Variants in ADHFE1 observed in about 807,000 individuals in gnomAD.
ADHFE1 encodes the protein alcohol dehydrogenase iron containing 1.
Under a neutral mutation model 54.8 loss-of-function variants are expected in ADHFE1, and 37 were observed. The ratio of observed to expected loss-of-function variants is 0.68; its 90% CI spans 0.52 to 0.89. ADHFE1 has a LOEUF of 0.89. Ranked by LOEUF, ADHFE1 falls within the 40% of genes least tolerant of loss-of-function variation. The pLI, the probability that ADHFE1 is intolerant of heterozygous loss-of-function variation, is 0.00. For missense variants in ADHFE1, 601 were observed against 591.2 expected (o/e 1.02, Z -0.17); for synonymous variants, 203 against 229.3 (o/e 0.89, Z 1.04).
intron 5 of ADHFE1, 65 bp downstream of exon 5, chr8:66,444,813 G>T (rs1805940826): frequency 1.3e-6 from 2 of 1,593,270 alleles, no homozygotes; most frequent in Non-Finnish European, 8.6e-7. Context: ...ATTAAAACTT[G>T]CCCCCAACCA....
At chr8:66,447,420 A>G in intron 7 of ADHFE1, 79 bp downstream of exon 7, 1 of 1,237,470 alleles carries the variant, frequency 8.1e-7, no homozygotes, top group Non-Finnish European at 1.2e-6. Flanking sequence ...TTAAAAATCA[A>G]GCAGTTATGA....
At chr8:66,458,301 G>T (rs1286507758) in intron 12 of ADHFE1, among the ~76,000 whole-genome samples, 1 of 152,144 alleles carries the variant, frequency 6.6e-6, no homozygotes, top group Non-Finnish European at 1.5e-5. Flanking sequence ...AGGAAGGACC[G>T]CAGACATCCT....
chr8:66,456,781 C>A, intron 10 of ADHFE1, 36 bp from the exon 11 acceptor site: 1 of 1,504,716 alleles, frequency 6.6e-7, no homozygotes, highest in Non-Finnish European at 9.2e-7. Context: ...ATTTTGATAA[C>A]TGTGTATGAA....
At chr8:66,440,515 A>G (rs942684121) in intron 2 of ADHFE1, among the ~76,000 whole-genome samples, 9 of 152,248 alleles carry the variant, frequency 5.9e-5, no homozygotes, top group Non-Finnish European at 1.3e-4. Flanking sequence ...AAACAGAATT[A>G]ATCAAGATGA....
rs1265928354 is a variant in ADHFE1 at position 66,468,267 on chromosome 8, A to G, written c.1321-2A>G. The G allele has an allele frequency of 2.7e-5, 44 of 1,609,256 alleles. No homozygotes were observed. The highest frequency in any genetic ancestry group is 3.6e-5 in the Non-Finnish European group (42 of 1,178,204). Reference sequence around the variant, plus strand: ...GGTAACTTCTTTCATTTACTGTTTCAGGAAAGGGTCACCAAGCTTGCACCC... The same window carrying G: ...GGTAACTTCTTTCATTTACTGTTTCGGGAAAGGGTCACCAAGCTTGCACCC... On this transcript the variant is annotated splice_acceptor_variant, in intron 13 of 13. Coordinates refer to ENST00000396623, the MANE Select transcript of ADHFE1 (RefSeq NM_144650.3). LOFTEE classifies it high-confidence loss of function.
At chr8:66,467,207 G>A (rs1257790444) in intron 13 of ADHFE1, among the ~76,000 whole-genome samples, 1 of 152,138 alleles carries the variant, frequency 6.6e-6, no homozygotes, top group East Asian at 1.9e-4. Context: ...CTTCATTTTG[G>A]AAGTAGGACT....
At position 66,452,340 on chromosome 8, in the gene ADHFE1, A is replaced by C. The variant is rs142643729; in HGVS notation, c.887+235A>C. 3.9e-3 allele frequency among the ~76,000 whole-genome samples: 588 copies of C among 152,288 alleles called. 7 individuals are homozygous for C. Among genetic ancestry groups the C allele is most frequent in the African/African-American group, 0.014 (571 of 41,552 alleles). On this transcript the variant is annotated intron_variant, in intron 9 of 13. Transcript: ENST00000396623. ...AAAGGCAGCCAGGGGACAAACTAGG[A>C]GCCAAGCTAGGATGAGGGGTGGTGT...
In ADHFE1 at chr8:66,453,622, G is replaced by A. The variant is rs76902042; in HGVS notation, c.888-437G>A. The stretch of plus-strand genomic sequence containing the variant: ...CACAGATATAAAGAGGCCCCCAGTG[G>A]GTCCAGTGGGAGGCAGTGTCTCAGA... On this transcript the variant is annotated intron_variant, in intron 9 of 13. Transcript: ENST00000396623. 3,423 of 1,154,272 alleles carry A rather than the reference G, an allele frequency of 3.0e-3. 84 individuals are homozygous for A. The African/African-American group carries it at 0.048, about 16-fold the overall frequency. The allele number at this position is 1,154,272 out of a possible 1,614,324, so 71.5% of individuals were successfully genotyped here. A position where few individuals can be genotyped will look rare whatever the true frequency, so the allele number is the denominator to read the frequency against.
At chr8:66,444,943 A>C (rs545564399) in intron 5 of ADHFE1, among the ~76,000 whole-genome samples, 195 bp downstream of exon 5, 11 of 152,130 alleles carry the variant, frequency 7.2e-5, no homozygotes, top group Non-Finnish European at 1.3e-4. Flanking sequence ...TCTACTAAAA[A>C]TACAAAAATT....
rs536436477 is a variant in ADHFE1, at chr8:66,438,742, G to A, written c.60-1420G>A. On this transcript the variant is annotated intron_variant, in intron 1 of 13. Coordinates refer to ENST00000396623, the MANE Select transcript of ADHFE1 (RefSeq NM_144650.3). Reference sequence around the variant, plus strand: ...ACTCTTCAATAGGCTGAAAAAGATTGAGTGAGGGGGAGGACTAGGAAATAC... The same window carrying A: ...ACTCTTCAATAGGCTGAAAAAGATTAAGTGAGGGGGAGGACTAGGAAATAC... 2.7e-4 allele frequency among the ~76,000 whole-genome samples: 41 copies of A among 152,216 alleles called. 1 individual carries two copies. In the South Asian group the frequency reaches 6.2e-3, roughly 23 times the overall value.
chr8:66,458,315 G>A (rs1488709027), intron 12 of ADHFE1, among the ~76,000 whole-genome samples: 1 of 152,190 alleles, frequency 6.6e-6, no homozygotes, highest in Non-Finnish European at 1.5e-5. Context: ...ACATCCTCCT[G>A]CAGGAGCTCC....
intron 3 of ADHFE1, 60 bp from the exon 4 acceptor site, chr8:66,444,307 A>G (rs1179825905): frequency 3.9e-6 from 6 of 1,521,222 alleles, no homozygotes; most frequent in Non-Finnish European, 5.5e-6. Context: ...TCAGGTTTTT[A>G]GAAATGGACT....
At chr8:66,433,583 A>G (rs1453537262) in intron 1 of ADHFE1, among the ~76,000 whole-genome samples, 2 of 152,196 alleles carry the variant, frequency 1.3e-5, no homozygotes, top group East Asian at 1.9e-4. Flanking sequence ...AGCTAAGCAA[A>G]TGGCACAGTC....
intron 2 of ADHFE1, among the ~76,000 whole-genome samples, 174 bp from the exon 3 acceptor site, chr8:66,442,624 T>C (rs895179474): frequency 3.3e-5 from 5 of 152,240 alleles, no homozygotes; most frequent in Non-Finnish European, 1.5e-5. Context: ...TTACATTCTA[T>C]CTTAAAATAC....
intron 7 of ADHFE1, among the ~76,000 whole-genome samples, chr8:66,448,001 A>G (rs765233152): frequency 3.3e-5 from 5 of 152,308 alleles, no homozygotes; most frequent in Middle Eastern, 3.4e-3. Context: ...CACCACCCCA[A>G]TCAAGATACA....
At chr8:66,467,484 G>A (rs904968877) in intron 13 of ADHFE1, among the ~76,000 whole-genome samples, 4 of 152,104 alleles carry the variant, frequency 2.6e-5, no homozygotes, top group African/African-American at 9.7e-5. Flanking sequence ...GCAGAGAGCA[G>A]TGCACACAGC....
chr8:66,457,020 G>C, intron 11 of ADHFE1, 50 bp from the exon 12 acceptor site: 2 of 1,581,832 alleles, frequency 1.3e-6, no homozygotes, highest in Non-Finnish European at 1.7e-6. Flanking sequence ...GAATATGCAG[G>C]GAAGAACAGC....
chr8:66,452,968 G>C (rs1806380170), intron 9 of ADHFE1, among the ~76,000 whole-genome samples: 1 of 152,380 alleles, frequency 6.6e-6, no homozygotes. Context: ...CTCTGGCCTT[G>C]AGCTAGAAGC....
intron 2 of ADHFE1, among the ~76,000 whole-genome samples, chr8:66,441,658 C>A (rs1237577999): frequency 6.6e-6 from 1 of 152,012 alleles, no homozygotes; most frequent in Non-Finnish European, 1.5e-5. Context: ...ATCATTTTTA[C>A]CATAATTAAA....
Sources: allele counts gnomAD v4.1 joint callset (sites outside exome capture counted in the v4.1 genomes callset), GRCh38; gene constraint gnomAD v4.1.1; transcripts MANE v1.5; gene names NCBI Gene and HGNC (gene_info 2026-07-23, HGNC 2026-07-21).